The following GALNT9 variants were observed in gnomAD, a reference collection of about 807,000 sequenced individuals.
GALNT9 encodes polypeptide N-acetylgalactosaminyltransferase 9.
Under a neutral mutation model 63.1 loss-of-function variants are expected in GALNT9, and 47 were observed. The observed-to-expected ratio is 0.75, with a 90% CI of 0.59 to 0.95. GALNT9 has a LOEUF of 0.95. Among genes scored for constraint, GALNT9 ranks in the 40% least tolerant of loss-of-function variants. The pLI, the probability that GALNT9 is intolerant of heterozygous loss-of-function variation, is 0.00. For missense variants in GALNT9, 829 were observed against 874.8 expected, an observed-to-expected ratio of 0.95 and a Z score of 0.66; for synonymous variants, 396 against 365.7, an observed-to-expected ratio of 1.08 and a Z score of -0.94.
chr12:132,199,030 G>T lies in GALNT9; in HGVS notation c.1497+144C>A, dbSNP rs1875777845. On this transcript the variant is annotated intron_variant, in intron 9 of 10. Transcript: ENST00000328957. ...AGGCCTCTTCTAGAGGGGCCCTCAGGCTGCTCCAAGCCCTGGAATGCAGCC... is the reference window on the plus strand; with the variant it reads ...AGGCCTCTTCTAGAGGGGCCCTCAGTCTGCTCCAAGCCCTGGAATGCAGCC... 3 of 587,796 alleles carry T rather than the reference G, an allele frequency of 5.1e-6. No homozygotes were observed. The African/African-American group carries it at 5.6e-5, about 11-fold the overall frequency. 36.4% of individuals were successfully genotyped at this position (587,796 alleles called of 1,614,324 possible). A position where few individuals can be genotyped will look rare whatever the true frequency, so the allele number is the denominator to read the frequency against.
intron 6 of GALNT9, among the ~76,000 whole-genome samples, chr12:132,227,864 A>G (rs1332833219): frequency 2.0e-5 from 3 of 152,022 alleles, no homozygotes; most frequent in Non-Finnish European, 2.9e-5. Context: ...GCTTCCCCAC[A>G]GGGATGTGCA....
chr12:132,287,261 G>A lies in GALNT9; in HGVS notation c.239-831C>T, dbSNP rs143966064. On this transcript the variant is annotated intron_variant, in intron 1 of 10. Transcript: ENST00000328957. ...GTTCACGCCCAGGCGCTGTGCCTGC[G>A]GGGCAGAGGATGCGGGAACTCCGCT... Among the ~76,000 whole-genome samples, 1,027 of 152,330 alleles carry A rather than the reference G, an allele frequency of 6.7e-3. 3 individuals are homozygous for A. Among genetic ancestry groups the A allele is most frequent in the Non-Finnish European group, 0.011 (761 of 68,026 alleles).
At chr12:132,294,426 C>G (rs898977902) in intron 1 of GALNT9, among the ~76,000 whole-genome samples, 7 of 152,250 alleles carry the variant, frequency 4.6e-5, no homozygotes, top group African/African-American at 1.7e-4. Context: ...CACCAGGGCC[C>G]TCCAGAAGTG....
intron 6 of GALNT9, among the ~76,000 whole-genome samples, chr12:132,239,449 G>GAGTC (rs1878143218): frequency 1.3e-5 from 2 of 150,760 alleles, no homozygotes; most frequent in African/African-American, 2.5e-5. Context: ...GTCAGAGACA[G>GAGTC]AGAGGCAGAG....
At position 132,306,022 on chromosome 12, in the gene GALNT9, G is replaced by A. The variant is rs1036537796; in HGVS notation, c.239-19592C>T. Among the ~76,000 whole-genome samples the A allele has an allele frequency of 5.9e-5, 9 of 152,160 alleles. No individual in the cohort carries two copies. The South Asian group carries it at 1.2e-3, about 21-fold the overall frequency. ...CCCTCAGGACAGGGGGGCTCATGGC[G>A]GGGCCCAGACTCAAGACAGTGGCTC... is the stretch of plus-strand genomic sequence containing the variant. On this transcript the variant is annotated intron_variant, in intron 1 of 10. Coordinates refer to ENST00000328957, the MANE Select transcript of GALNT9 (RefSeq NM_001122636.2).
chr12:132,303,429 CCGGG>C lies in GALNT9; in HGVS notation c.239-17003_239-17000del, dbSNP rs1566019033. Among the ~76,000 whole-genome samples, 31 of 144,552 alleles carry C rather than the reference CCGGG, an allele frequency of 2.1e-4. 4 individuals carry two copies. The highest frequency in any genetic ancestry group is 4.3e-4 in the African/African-American group (17 of 39,502). The allele number at this position is 144,552 out of a possible 152,430, so 94.8% of individuals were successfully genotyped here. On this transcript the variant is annotated intron_variant, in intron 1 of 10. Transcript: ENST00000328957. ...CACCCTCACCCGGGCACAGCCTCGCCCGGGCACACCCTCGCCCGGGCACACCCTC... is the reference window on the plus strand; with the variant it reads ...CACCCTCACCCGGGCACAGCCTCGCCCACACCCTCGCCCGGGCACACCCTC...
intron 6 of GALNT9, among the ~76,000 whole-genome samples, chr12:132,207,390 C>T (rs1172101061): frequency 6.6e-6 from 1 of 152,244 alleles, no homozygotes; most frequent in Non-Finnish European, 1.5e-5. Flanking sequence ...CAGCCACTTA[C>T]GGCCACTCTG....
chr12:132,258,055 C>T (rs1433386908), intron 4 of GALNT9, among the ~76,000 whole-genome samples, 169 bp from the exon 5 acceptor site: 4 of 152,204 alleles, frequency 2.6e-5, no homozygotes, highest in Non-Finnish European at 5.9e-5. Flanking sequence ...AAGGGCCCCT[C>T]TCAGCAGCAG....
rs28461280 is a variant in GALNT9, at chr12:132,327,133, G to C, written c.238+1833C>G. On this transcript the variant is annotated intron_variant, in intron 1 of 10. Coordinates refer to ENST00000328957, the MANE Select transcript of GALNT9 (RefSeq NM_001122636.2). This position sits in a 1 kb window ranked among gnomAD's most constrained non-coding sequence, Gnocchi z 4.3. Reference sequence around the variant, plus strand: ...GGCAGACAGATGGCAGGGGCCGTTCGGAGAAAGGCTGACAAGGGAGGACAG... The same window carrying C: ...GGCAGACAGATGGCAGGGGCCGTTCCGAGAAAGGCTGACAAGGGAGGACAG... Among the ~76,000 whole-genome samples the C allele has an allele frequency of 0.47, 71,343 of 151,898 alleles. 17,547 individuals carry two copies. Among genetic ancestry groups the C allele is most frequent in the African/African-American group, 0.62 (25,863 of 41,420 alleles).
Position 132,201,138 on chromosome 12 carries a change from G to A in GALNT9, c.1387C>T (p.Leu463Phe). 1.2e-6 allele frequency: 2 copies of A among 1,613,382 alleles called. No homozygotes were observed. Among genetic ancestry groups the A allele is most frequent in the Non-Finnish European group, 1.7e-6 (2 of 1,179,740 alleles). Residue 463 changes from leucine (L) to phenylalanine (F), a missense_variant, in exon 8 of 11, where the codon CTC becomes TTC. Coordinates refer to ENST00000328957, the MANE Select transcript of GALNT9 (RefSeq NM_001122636.2). ...GGAGGTGCTACCTCTCCGTACGTGAGGGTGTTGTTGTAGACCCTCATCTCC... is the reference window on the plus strand; with the variant it reads ...GGAGGTGCTACCTCTCCGTACGTGAAGGTGTTGTTGTAGACCCTCATCTCC... ...YPEMRVYNNT[L>F]TYGEVRNSKA... is the part of the protein sequence containing the mutation.
chr12:132,240,335 C>CA (rs1555236796), intron 6 of GALNT9, among the ~76,000 whole-genome samples: 1 of 152,174 alleles, frequency 6.6e-6, no homozygotes, highest in Admixed American at 6.5e-5. Flanking sequence ...GGCCGGCAGA[C>CA]TCCAGGGCTG....
intron 5 of GALNT9, 64 bp downstream of exon 5, chr12:132,257,625 C>A: frequency 7.5e-7 from 1 of 1,326,008 alleles, no homozygotes; most frequent in Non-Finnish European, 1.0e-6. Context: ...TCCCCACGCC[C>A]GCCTCGCTCT....
intron 1 of GALNT9, among the ~76,000 whole-genome samples, chr12:132,303,394 C>T (rs1451556941): frequency 1.4e-5 from 2 of 142,286 alleles, no homozygotes; most frequent in African/African-American, 5.7e-5. Context: ...GGCACAGCCT[C>T]GCCCGGGCAC....
intron 1 of GALNT9, among the ~76,000 whole-genome samples, chr12:132,308,204 C>A (rs1047193061): frequency 2.6e-5 from 4 of 152,198 alleles, no homozygotes; most frequent in Non-Finnish European, 4.4e-5. Flanking sequence ...ACCCTCCCTG[C>A]GGCCTCTGGA....
chr12:132,322,670 G>A (rs942060701), intron 1 of GALNT9, among the ~76,000 whole-genome samples: 2 of 152,204 alleles, frequency 1.3e-5, no homozygotes, highest in Admixed American at 1.3e-4. Context: ...TGGGAGGGGG[G>A]TTTGCAGGCT....
chr12:132,313,510 C>A (rs1219721653), intron 1 of GALNT9, among the ~76,000 whole-genome samples: 23 of 143,762 alleles, frequency 1.6e-4, no homozygotes, highest in Admixed American at 1.2e-3. Flanking sequence ...ATTCACCCAC[C>A]CACCCATCCA....
chr12:132,211,026 C>T (rs865832934), intron 6 of GALNT9, among the ~76,000 whole-genome samples: 4 of 152,038 alleles, frequency 2.6e-5, no homozygotes, highest in Admixed American at 6.5e-5. Flanking sequence ...CGGTGCCTGC[C>T]GCCGGCCTCA....
intron 1 of GALNT9, among the ~76,000 whole-genome samples, chr12:132,317,961 A>C (rs577091589): frequency 4.0e-4 from 61 of 152,332 alleles, no homozygotes; most frequent in African/African-American, 1.5e-3. Context: ...TAAAACACTG[A>C]TGGGCACACT....
intron 6 of GALNT9, among the ~76,000 whole-genome samples, chr12:132,210,618 G>A (rs1029810310): frequency 6.6e-6 from 1 of 152,184 alleles, no homozygotes; most frequent in Non-Finnish European, 1.5e-5. Flanking sequence ...ACACAGGCAT[G>A]CTTGAGGCCC....
Sources: gnomAD v4.1 joint callset for allele counts (sites outside exome capture counted in the v4.1 genomes callset) on GRCh38, gnomAD v4.1.1 for gene constraint, Gnocchi (gnomAD v3.1) non-coding constraint, MANE v1.5 for transcripts, NCBI Gene and HGNC (gene_info 2026-07-23, HGNC 2026-07-21) for gene names.